Variants in DIDO1 observed in about 807,000 individuals in gnomAD.
DIDO1 encodes the protein death inducer-obliterator 1, also known as death-inducer obliterator 1.
DIDO1 carries 16 observed loss-of-function variants against 99.4 expected under a neutral mutation model. That is an observed-to-expected ratio of 0.16 (90% confidence interval 0.11 to 0.24). The LOEUF (loss-of-function observed/expected upper bound fraction) is 0.24. Among genes scored for constraint, DIDO1 ranks in the 10% least tolerant of loss-of-function variants. The pLI, the probability that DIDO1 is intolerant of heterozygous loss-of-function variation, is 1.00. For synonymous variants in DIDO1, 1,366 were observed against 1,239.1 expected, an observed-to-expected ratio of 1.10 and a Z score of -2.15; for missense variants, 2,996 against 3,014.0, an observed-to-expected ratio of 0.99 and a Z score of 0.14.
rs2064190536 is a variant in DIDO1 at position 62,880,922 on chromosome 20, A to T, written c.5034T>A (p.Gly1678=). Residue 1678 remains glycine (G), a synonymous_variant, in exon 16 of 16, where the codon GGT becomes GGA. Coordinates refer to ENST00000395343, the MANE Select transcript of DIDO1 (RefSeq NM_001193369.2). ...CCGGGCAGGTGAAAGGGTCCCTCTC[A>T]CCGTCGTGCTGCAGCGGGAAGCCGG... ...LQPGFPLQHD[G]ERDPFTCPGF... 6.2e-7 allele frequency: 1 copy of T among 1,609,902 alleles called. No homozygotes were observed.
chr20:62,906,149 C>A, intron 5 of DIDO1, 49 bp from the exon 6 acceptor site: 1 of 1,570,250 alleles, frequency 6.4e-7, no homozygotes, highest in Non-Finnish European at 8.6e-7. Context: ...AGAAATCATA[C>A]CTTCACTTCA....
rs2064176412 is a variant in DIDO1 at position 62,880,261 on chromosome 20, G to C, written c.5695C>G (p.Gln1899Glu). The stretch of plus-strand genomic sequence containing the variant: ...GGGCCGCCTCGGGGGCCTTTCAGCT[G>C]AGACAGCAGTGGCCTTCTCTGGCCT... ...FGGQRRPLLSQLKGPRGGPPP... is the reference protein window; with the variant it reads ...FGGQRRPLLSELKGPRGGPPP... The change falls in exon 16 of 16, where the codon CAG becomes GAG. Residue 1899 changes from glutamine (Q) to glutamate (E), a missense_variant. Physicochemically the swap from Gln to Glu is conservative, Grantham distance 29. Transcript: ENST00000395343. 1 of 1,612,724 alleles carries C rather than the reference G, an allele frequency of 6.2e-7. No homozygotes were observed. The highest frequency in any genetic ancestry group is 8.5e-7 in the Non-Finnish European group (1 of 1,179,942).
At position 62,880,850 on chromosome 20, in the gene DIDO1, G is replaced by A. The variant is rs2064188796; in HGVS notation, c.5106C>T (p.Asp1702=). The A allele has an allele frequency of 1.2e-6, 2 of 1,612,768 alleles. No homozygotes were observed. The highest frequency in any genetic ancestry group is 2.2e-5 in the East Asian group (1 of 44,848). The part of the protein sequence containing the change: ...DKALGSAQYE[D]PRNLHSAGRS... ...TTCCAGCAGAATGAAGATTTCTTGG[G>A]TCCTCATACTGGGCTGAGCCGAGAG... Residue 1702 remains aspartate, a synonymous_variant, in exon 16 of 16, where the codon GAC becomes GAT. Transcript: ENST00000395343.
At chr20:62,893,009 T>C in intron 12 of DIDO1, 47 bp from the exon 13 acceptor site, 1 of 1,552,058 alleles carries the variant, frequency 6.4e-7, no homozygotes, top group Non-Finnish European at 8.7e-7. Flanking sequence ...CTCTGTGCAA[T>C]GAGAATTTCA....
At position 62,893,761 on chromosome 20, in the gene DIDO1, G is replaced by C; in HGVS notation, c.3006C>G (p.Val1002=). ...VEARQDVPKP[V]LTSVMVPKSI... ...ACTTGGGCACCATCACAGAAGTCAA[G>C]ACAGGCTTCGGCACATCCTGTCTGG... The change falls in exon 12 of 16, where the codon GTC becomes GTG. Residue 1002 remains valine, a synonymous_variant. Coordinates refer to ENST00000395343, the MANE Select transcript of DIDO1 (RefSeq NM_001193369.2). 1.2e-6 allele frequency: 2 copies of C among 1,614,240 alleles called. No individual in the cohort carries two copies. The highest frequency in any genetic ancestry group is 1.7e-6 in the Non-Finnish European group (2 of 1,180,050).
chr20:62,920,428 C>G (rs192970108), intron 1 of DIDO1, among the ~76,000 whole-genome samples: 31 of 152,248 alleles, frequency 2.0e-4, no homozygotes, highest in Non-Finnish European at 1.0e-4. Context: ...GTGTAGGGCA[C>G]TTTGAGGGAG....
rs544852761 is a variant in DIDO1, at chr20:62,891,033, G to A, written c.3468C>T (p.Val1156=). ...FGVVANNNRH[V]KDLYLIPLSA... is the part of the protein sequence containing the mutation. ...TCAGCGGGATCAGGTAGAGGTCCTT[G>A]ACGTGCCTGTTGTTATTAGCTACAA... is the stretch of plus-strand genomic sequence containing the variant. Residue 1156 remains valine (V), a synonymous_variant, in exon 15 of 16, where the codon GTC becomes GTT. Coordinates refer to ENST00000395343, the MANE Select transcript of DIDO1 (RefSeq NM_001193369.2). 6.8e-6 allele frequency: 11 copies of A among 1,614,196 alleles called. 1 individual carries two copies. The South Asian group carries it at 1.2e-4, about 18-fold the overall frequency.
chr20:62,908,041 A>C (rs1396536162), intron 4 of DIDO1, among the ~76,000 whole-genome samples: 1 of 151,962 alleles, frequency 6.6e-6, no homozygotes, highest in Admixed American at 6.6e-5. Flanking sequence ...GAGCAGTGGC[A>C]CAATCATAGC....
intron 6 of DIDO1, among the ~76,000 whole-genome samples, chr20:62,902,753 C>T (rs1004174248): frequency 1.3e-5 from 2 of 152,242 alleles, no homozygotes; most frequent in African/African-American, 2.4e-5. Flanking sequence ...ATGCTTAACA[C>T]AGCATCTGGA....
At chr20:62,912,593 A>C (rs529732138) in intron 2 of DIDO1, among the ~76,000 whole-genome samples, 1 of 152,304 alleles carries the variant, frequency 6.6e-6, no homozygotes, top group African/African-American at 2.4e-5. Flanking sequence ...AAATGACAAA[A>C]ATCTGAAAAA....
chr20:62,905,354 C>T (rs2064777857), intron 6 of DIDO1: 4 of 1,437,518 alleles, frequency 2.8e-6, no homozygotes, highest in African/African-American at 1.4e-5. Flanking sequence ...AAAAAAATCC[C>T]CTATCTGCCC....
intron 4 of DIDO1, 43 bp downstream of exon 4, chr20:62,909,656 G>A: frequency 6.3e-7 from 1 of 1,598,698 alleles, no homozygotes; most frequent in Non-Finnish European, 8.5e-7. Flanking sequence ...TGAAACCAGT[G>A]AGGCCGACTG....
chr20:62,883,943 T>G (rs1441774168), intron 15 of DIDO1, among the ~76,000 whole-genome samples: 1 of 152,128 alleles, frequency 6.6e-6, no homozygotes, highest in Non-Finnish European at 1.5e-5. Flanking sequence ...GAGGCAGAGG[T>G]TGCAGTGAGC....
Position 62,892,952 on chromosome 20 carries a change from A to T in DIDO1, c.3112T>A (p.Ser1038Thr). Residue 1038 changes from serine (S) to threonine (T), a missense_variant, in exon 13 of 16, where the codon TCA (serine) becomes ACA (threonine). Physicochemically the swap from Ser to Thr is moderately conservative, Grantham distance 58 (BLOSUM62 1). This residue lies in a region of DIDO1 where 898 missense variants were observed against 972.7 expected (regional missense o/e 0.92). Coordinates refer to ENST00000395343, the MANE Select transcript of DIDO1 (RefSeq NM_001193369.2). ...GTGTCTCCCTCTGGAGGGGAACGTG[A>T]TTCTGAAGTGCTGTAAAACAAAACC... ...PPSPNISTSE[S>T]RSPPEGDTTL... is the part of the protein sequence containing the mutation. 6.2e-7 allele frequency: 1 copy of T among 1,611,810 alleles called. No homozygotes were observed. Among genetic ancestry groups the T allele is most frequent in the Non-Finnish European group, 8.5e-7 (1 of 1,178,502 alleles).
intron 1 of DIDO1, among the ~76,000 whole-genome samples, chr20:62,916,564 T>C (rs942184560): frequency 7.9e-5 from 12 of 152,242 alleles, no homozygotes; most frequent in African/African-American, 2.9e-4. Flanking sequence ...ATAGTATCTT[T>C]AAATGAAAGT....
Position 62,910,997 on chromosome 20 carries a change from T to C in DIDO1, c.616A>G (p.Ser206Gly), listed in dbSNP as rs1175042069. ...GPAETVGSEA[S>G]DTVEGVLPSK... Reference sequence around the variant, plus strand: ...GGCAGGACGCCCTCCACAGTGTCACTGGCCTCGGAGCCCACAGTCTCGGCG... The same window carrying C: ...GGCAGGACGCCCTCCACAGTGTCACCGGCCTCGGAGCCCACAGTCTCGGCG... The change falls in exon 3 of 16, where the codon AGT (serine) becomes GGT (glycine). Residue 206 changes from serine (S) to glycine (G), a missense_variant. Around this residue, in one of 5 missense-constraint regions of DIDO1, gnomAD observed 388 missense variants for 376.6 expected, o/e 1.03. Transcript: ENST00000395343. The C allele has an allele frequency of 1.2e-6, 2 of 1,614,040 alleles. No individual in the cohort carries two copies. The highest frequency in any genetic ancestry group is 1.7e-5 in the Admixed American group (1 of 60,020).
intron 4 of DIDO1, among the ~76,000 whole-genome samples, chr20:62,907,791 G>GTCTT (rs1416680701): frequency 5.3e-5 from 8 of 152,234 alleles, no homozygotes; most frequent in Admixed American, 5.2e-4. Context: ...AAGGAACTGG[G>GTCTT]TCTTTCATGA....
At position 62,909,734 on chromosome 20, in the gene DIDO1, G is replaced by T; in HGVS notation, c.1126C>A (p.Pro376Thr). Residue 376 changes from proline (P) to threonine (T), a missense_variant, in exon 4 of 16, where the codon CCA (proline) becomes ACA (threonine). Pro to Thr is a conservative substitution (Grantham distance 38). This residue lies in a region of DIDO1 where 898 missense variants were observed against 972.7 expected (regional missense o/e 0.92). Transcript: ENST00000395343. Reference sequence around the variant, plus strand: ...ATCTTGAGTTTCTTCTTGCCACTTGGATTTGCAGCTTTCTCAATTCTACCC... The same window carrying T: ...ATCTTGAGTTTCTTCTTGCCACTTGTATTTGCAGCTTTCTCAATTCTACCC... ...IKGRIEKAAN[P>T]SGKKKLKIFQ... is the part of the protein sequence containing the mutation. 6.2e-7 allele frequency: 1 copy of T among 1,613,996 alleles called. No individual in the cohort carries two copies. Among genetic ancestry groups the T allele is most frequent in the Non-Finnish European group, 8.5e-7 (1 of 1,179,854 alleles).
At position 62,907,402 on chromosome 20, in the gene DIDO1, T is replaced by C. The variant is rs746945540; in HGVS notation, c.1162-43A>G. On this transcript the variant is annotated intron_variant, in intron 4 of 15. Transcript: ENST00000395343. ...TGACTTCAAACAATGTACTTGCCAA[T>C]TTTAAGCAGTTAAGTGTGTGTTTTG... 10 of 1,588,616 alleles carry C rather than the reference T, an allele frequency of 6.3e-6. No homozygotes were observed. The African/African-American group carries it at 6.7e-5, about 11-fold the overall frequency.
Sources: gnomAD v4.1 joint callset for allele counts (sites outside exome capture counted in the v4.1 genomes callset) on GRCh38, gnomAD v4.1.1 for gene constraint, gnomAD v4.1.1 regional missense constraint, MANE v1.5 for transcripts, NCBI Gene and HGNC (gene_info 2026-07-23, HGNC 2026-07-21) for gene names.